The following MAPKAP1 variants were observed in gnomAD, a reference collection of about 807,000 sequenced individuals.
MAPKAP1 encodes MAPK associated protein 1, also known as target of rapamycin complex 2 subunit MAPKAP1.
In MAPKAP1, 20 loss-of-function variants were observed where a neutral mutation model predicts 65.7. The ratio of observed to expected loss-of-function variants is 0.30; its 90% CI spans 0.21 to 0.44. The LOEUF (loss-of-function observed/expected upper bound fraction) is 0.44, where lower values mean the gene tolerates loss of function less well. Ranked by LOEUF, MAPKAP1 falls within the 20% of genes least tolerant of loss-of-function variation. The pLI is 1.00. For missense variants in MAPKAP1, 423 were observed against 648.0 expected, an observed-to-expected ratio of 0.65 and a Z score of 3.77; for synonymous variants, 222 against 244.3, an observed-to-expected ratio of 0.91 and a Z score of 0.85.
At chr9:125,515,464 T>C (rs990499051) in intron 7 of MAPKAP1, among the ~76,000 whole-genome samples, 1 of 152,212 alleles carries the variant, frequency 6.6e-6, no homozygotes, top group African/African-American at 2.4e-5. Context: ...AAGATAAGAT[T>C]GGAAACGAAT....
chr9:125,544,002 A>G (rs1261775227), intron 6 of MAPKAP1, among the ~76,000 whole-genome samples: 1 of 151,536 alleles, frequency 6.6e-6, no homozygotes, highest in Non-Finnish European at 1.5e-5. Flanking sequence ...TAGCTAGTAA[A>G]TATATTTCTT....
chr9:125,543,445 T>A (rs1469148406), intron 6 of MAPKAP1, among the ~76,000 whole-genome samples: 1 of 150,926 alleles, frequency 6.6e-6, no homozygotes. Context: ...TTTTTGTATT[T>A]TTTTTTTTTT....
intron 4 of MAPKAP1, among the ~76,000 whole-genome samples, chr9:125,654,249 G>A (rs1050825629): frequency 2.0e-5 from 3 of 152,190 alleles, no homozygotes; most frequent in Non-Finnish European, 2.9e-5. Flanking sequence ...GGCACAAGAA[G>A]TTTTCCAATT....
At chr9:125,525,834 T>C (rs1829749642) in intron 7 of MAPKAP1, among the ~76,000 whole-genome samples, 1 of 152,168 alleles carries the variant, frequency 6.6e-6, no homozygotes, top group South Asian at 2.1e-4. Flanking sequence ...TGGGACCTTA[T>C]TTTATTGAAG....
chr9:125,465,951 G>A (rs1174069596), intron 10 of MAPKAP1, among the ~76,000 whole-genome samples: 2 of 152,196 alleles, frequency 1.3e-5, no homozygotes, highest in Admixed American at 6.5e-5. Context: ...AGAATGCATC[G>A]TGTGCAAGTA....
intron 2 of MAPKAP1, 134 bp from the exon 3 acceptor site, chr9:125,670,041 G>A: frequency 2.0e-6 from 1 of 503,166 alleles, no homozygotes; most frequent in South Asian, 3.0e-5. Flanking sequence ...AATTTTAAAG[G>A]TGGCACCCCT....
chr9:125,680,665 TTATCTTATTTTGAATGAGATTCATTCAC>T (rs1834795542), intron 1 of MAPKAP1, among the ~76,000 whole-genome samples: 1 of 152,222 alleles, frequency 6.6e-6, no homozygotes, highest in Admixed American at 6.5e-5. Context: ...CAGAAATGAT[TTATCTTATTTTGAATGAGATTCATTCAC>T]AAAATCATCT....
chr9:125,567,024 G>GAGCA (rs1237104861), intron 5 of MAPKAP1, among the ~76,000 whole-genome samples: 2 of 152,124 alleles, frequency 1.3e-5, no homozygotes, highest in African/African-American at 2.4e-5. Flanking sequence ...TTTCAGTGAA[G>GAGCA]AGCACCACAG....
chr9:125,568,338 G>A (rs1321564086), intron 5 of MAPKAP1, among the ~76,000 whole-genome samples: 1 of 152,164 alleles, frequency 6.6e-6, no homozygotes, highest in Non-Finnish European at 1.5e-5. Flanking sequence ...TGGATCGTGG[G>A]ATATGAGGAG....
chr9:125,490,527 G>A (rs1265818518), intron 8 of MAPKAP1, among the ~76,000 whole-genome samples: 5 of 151,796 alleles, frequency 3.3e-5, no homozygotes, highest in African/African-American at 4.8e-5. Context: ...CAACAAGAAC[G>A]AAACTCTGTC....
At chr9:125,498,174 A>T (rs1828863442) in intron 8 of MAPKAP1, among the ~76,000 whole-genome samples, 1 of 152,204 alleles carries the variant, frequency 6.6e-6, no homozygotes, top group East Asian at 1.9e-4. Context: ...TTTCTTATTT[A>T]GGCCAAGATC....
chr9:125,697,505 A>T (rs1056438953), intron 1 of MAPKAP1, among the ~76,000 whole-genome samples: 1 of 152,216 alleles, frequency 6.6e-6, no homozygotes, highest in Non-Finnish European at 1.5e-5. Flanking sequence ...TATGGTTAGC[A>T]TATTAGTATG....
At chr9:125,543,645 T>A (rs561250477) in intron 6 of MAPKAP1, among the ~76,000 whole-genome samples, 1 of 152,162 alleles carries the variant, frequency 6.6e-6, no homozygotes, top group East Asian at 1.9e-4. Flanking sequence ...TGAATAAATA[T>A]ACTTCAAATG....
intron 7 of MAPKAP1, among the ~76,000 whole-genome samples, chr9:125,529,888 T>C (rs1829885394): frequency 6.6e-6 from 1 of 152,254 alleles, no homozygotes; most frequent in Non-Finnish European, 1.5e-5. Context: ...GAAAAAGAAA[T>C]GCCCTTACTG....
intron 4 of MAPKAP1, among the ~76,000 whole-genome samples, chr9:125,622,854 G>A (rs1190684550): frequency 6.6e-6 from 1 of 151,802 alleles, no homozygotes; most frequent in African/African-American, 2.4e-5. Flanking sequence ...CCTCTCATGC[G>A]GAGCCGAAGC....
chr9:125,631,408 C>G (rs775532135), intron 4 of MAPKAP1, among the ~76,000 whole-genome samples: 1 of 152,234 alleles, frequency 6.6e-6, no homozygotes, highest in Non-Finnish European at 1.5e-5. Context: ...AACCCTTCTA[C>G]TATTTTCAGG....
At chr9:125,553,582 G>T (rs1830649594) in intron 6 of MAPKAP1, among the ~76,000 whole-genome samples, 1 of 151,992 alleles carries the variant, frequency 6.6e-6, no homozygotes, top group African/African-American at 2.4e-5. Context: ...CGGAAAGAAA[G>T]AAAGAAACTT....
chr9:125,621,464 C>T (rs904118721), intron 4 of MAPKAP1, among the ~76,000 whole-genome samples: 2 of 152,068 alleles, frequency 1.3e-5, no homozygotes, highest in Non-Finnish European at 2.9e-5. Flanking sequence ...AGCAATACTA[C>T]CTATCTCAGA....
intron 4 of MAPKAP1, among the ~76,000 whole-genome samples, chr9:125,638,547 T>C (rs1368173435): frequency 6.6e-6 from 1 of 152,208 alleles, no homozygotes; most frequent in Non-Finnish European, 1.5e-5. Context: ...AAAATACACT[T>C]TAATATTTTT....
Sources: allele counts gnomAD v4.1 joint callset (sites outside exome capture counted in the v4.1 genomes callset), GRCh38; gene constraint gnomAD v4.1.1; transcripts MANE v1.5; gene names NCBI Gene and HGNC (gene_info 2026-07-23, HGNC 2026-07-21).